The following ADAMTS16 variants were observed in gnomAD, a reference collection of about 807,000 sequenced individuals.
The protein encoded by ADAMTS16 is ADAM metallopeptidase with thrombospondin type 1 motif 16, also known as A disintegrin and metalloproteinase with thrombospondin motifs 16.
Under a neutral mutation model 145.8 loss-of-function variants are expected in ADAMTS16, and 94 were observed. The ratio of observed to expected loss-of-function variants is 0.64; its 90% CI spans 0.55 to 0.77. The LOEUF is 0.77. Among genes scored for constraint, ADAMTS16 ranks in the 30% least tolerant of loss-of-function variants. The pLI is 0.00. For synonymous variants in ADAMTS16, 659 were observed against 604.3 expected, an observed-to-expected ratio of 1.09 and a Z score of -1.33; for missense variants, 1,585 against 1,591.5, an observed-to-expected ratio of 1.00 and a Z score of 0.07.
chr5:5,251,522 G>C (rs999944007), intron 17 of ADAMTS16, among the ~76,000 whole-genome samples: 4 of 152,198 alleles, frequency 2.6e-5, no homozygotes, highest in African/African-American at 7.2e-5. Context: ...GTTTCTAAAA[G>C]TCTAAAACCT....
chr5:5,312,291 A>G (rs937321856), intron 21 of ADAMTS16, among the ~76,000 whole-genome samples: 2 of 152,216 alleles, frequency 1.3e-5, no homozygotes, highest in Non-Finnish European at 2.9e-5. Context: ...TTAGAAATAA[A>G]TAATTGAAAT....
intron 9 of ADAMTS16, among the ~76,000 whole-genome samples, chr5:5,208,282 C>A (rs1736184102): frequency 6.6e-6 from 1 of 152,136 alleles, no homozygotes; most frequent in South Asian, 2.1e-4. Context: ...GGATGATCTG[C>A]CATTGCTCAT....
At chr5:5,313,712 C>T (rs927796135) in intron 21 of ADAMTS16, among the ~76,000 whole-genome samples, 3 of 152,242 alleles carry the variant, frequency 2.0e-5, no homozygotes, top group East Asian at 1.9e-4. Flanking sequence ...GATTTTCCAC[C>T]GTGGCAATTA....
intron 11 of ADAMTS16, among the ~76,000 whole-genome samples, chr5:5,229,080 C>T (rs946745200): frequency 1.3e-5 from 2 of 151,848 alleles, no homozygotes; most frequent in Non-Finnish European, 2.9e-5. Context: ...GGGTGGATCA[C>T]GAGGTCAGGA....
intron 17 of ADAMTS16, among the ~76,000 whole-genome samples, chr5:5,245,167 C>A (rs1737402191): frequency 6.6e-6 from 1 of 152,148 alleles, no homozygotes; most frequent in East Asian, 1.9e-4. Context: ...TCCTCAATTA[C>A]TTTAAGTTTA....
In ADAMTS16 at chr5:5,158,076, C is replaced by T. The variant is rs535556777; in HGVS notation, c.501+11621C>T. ...GAAAAGTCATTCCCATAAGTAATATCACACTGTTTCACTGTTGCTCCAAGC... is the reference window on the plus strand; with the variant it reads ...GAAAAGTCATTCCCATAAGTAATATTACACTGTTTCACTGTTGCTCCAAGC... On this transcript the variant is annotated intron_variant, in intron 3 of 22. Coordinates refer to ENST00000274181, the MANE Select transcript of ADAMTS16 (RefSeq NM_139056.4). Among the ~76,000 whole-genome samples the T allele has an allele frequency of 1.3e-5, 2 of 152,340 alleles. 1 individual carries two copies. Among genetic ancestry groups the T allele is most frequent in the South Asian group, 4.1e-4 (2 of 4,826 alleles).
intron 17 of ADAMTS16, among the ~76,000 whole-genome samples, chr5:5,261,376 G>T (rs1337828310): frequency 6.6e-6 from 1 of 152,120 alleles, no homozygotes; most frequent in Non-Finnish European, 1.5e-5. Context: ...GGACTCAAGC[G>T]ATTCACATGC....
At chr5:5,252,218 C>T (rs1479863928) in intron 17 of ADAMTS16, among the ~76,000 whole-genome samples, 1 of 152,166 alleles carries the variant, frequency 6.6e-6, no homozygotes. Context: ...TGTGTTTTCA[C>T]CAGGGGACTT....
chr5:5,143,201 ATG>A (rs1390993295), intron 2 of ADAMTS16, among the ~76,000 whole-genome samples: 4 of 152,236 alleles, frequency 2.6e-5, no homozygotes, highest in Non-Finnish European at 5.9e-5. Flanking sequence ...AACCTAGAGA[ATG>A]AGAGAAAATT....
At chr5:5,299,825 C>T (rs75013430) in intron 18 of ADAMTS16, among the ~76,000 whole-genome samples, 2,844 of 152,250 alleles carry the variant, frequency 0.019, 34 homozygotes, top group Non-Finnish European at 0.028. Context: ...CTTAGGAAAA[C>T]CAAAACAAAG....
intron 18 of ADAMTS16, among the ~76,000 whole-genome samples, chr5:5,288,917 G>A (rs1739199846): frequency 6.6e-6 from 1 of 152,276 alleles, no homozygotes; most frequent in Middle Eastern, 3.4e-3. Context: ...AGGGTCCTCG[G>A]TGTCTCTAGC....
rs534936526 is a variant in ADAMTS16, at chr5:5,163,005, C to G, written c.501+16550C>G. Among the ~76,000 whole-genome samples the G allele has an allele frequency of 5.3e-5, 8 of 152,152 alleles. No individual in the cohort carries two copies. In the South Asian group the frequency reaches 1.0e-3, roughly 20 times the overall value. On this transcript the variant is annotated intron_variant, in intron 3 of 22. Transcript: ENST00000274181. ...TTATTTCCATTTAATGTGGCCAAGC[C>G]AAAAATGCTCGTGGAGAATTTACAG...
At chr5:5,140,578 G>A in intron 1 of ADAMTS16, 39 bp downstream of exon 1, 4 of 1,508,702 alleles carry the variant, frequency 2.7e-6, no homozygotes, top group East Asian at 2.6e-5. Context: ...GAAACCGCGG[G>A]TCCGGACAGC....
chr5:5,199,849 G>A (rs1009149894), intron 8 of ADAMTS16, among the ~76,000 whole-genome samples: 1 of 152,186 alleles, frequency 6.6e-6, no homozygotes, highest in Admixed American at 6.5e-5. Flanking sequence ...TAATCAAGAA[G>A]ATCCCAAGTC....
chr5:5,211,071 A>G (rs1291603498), intron 10 of ADAMTS16, among the ~76,000 whole-genome samples: 1 of 152,314 alleles, frequency 6.6e-6, no homozygotes, highest in East Asian at 1.9e-4. Context: ...ATTTTCAAGA[A>G]TTGATTATCA....
At chr5:5,200,306 G>A (rs760925779) in intron 9 of ADAMTS16, 37 bp downstream of exon 9, 2 of 1,610,686 alleles carry the variant, frequency 1.2e-6, no homozygotes, top group African/African-American at 2.7e-5. Context: ...GATCTTTCGG[G>A]GCCTTTGATG....
At chr5:5,277,994 A>G (rs1460928886) in intron 18 of ADAMTS16, among the ~76,000 whole-genome samples, 1 of 152,186 alleles carries the variant, frequency 6.6e-6, no homozygotes, top group Non-Finnish European at 1.5e-5. Context: ...AAAAAAGAAA[A>G]AAAAGACTAA....
At chr5:5,303,912 A>G (rs1486271302) in intron 20 of ADAMTS16, 146 bp downstream of exon 20, 4 of 918,936 alleles carry the variant, frequency 4.4e-6, no homozygotes, top group Non-Finnish European at 6.4e-6. Context: ...GCTTCCAACA[A>G]CTTCATGGGG....
intron 2 of ADAMTS16, among the ~76,000 whole-genome samples, chr5:5,143,199 G>C (rs1734210053): frequency 6.6e-6 from 1 of 152,164 alleles, no homozygotes; most frequent in South Asian, 2.1e-4. Flanking sequence ...GCAACCTAGA[G>C]AATGAGAGAA....
Sources: allele counts gnomAD v4.1 joint callset (sites outside exome capture counted in the v4.1 genomes callset), GRCh38; gene constraint gnomAD v4.1.1; transcripts MANE v1.5; gene names NCBI Gene and HGNC (gene_info 2026-07-23, HGNC 2026-07-21).